ZEB2: variants seen among roughly 807,000 people sequenced by gnomAD.
ZEB2 encodes zinc finger E-box binding homeobox 2, also known as zinc finger E-box-binding homeobox 2.
ZEB2 carries 6 observed loss-of-function variants against 99.9 expected under a neutral mutation model. The ratio of observed to expected loss-of-function variants is 0.06; its 90% CI spans 0.03 to 0.12. The LOEUF (loss-of-function observed/expected upper bound fraction) is 0.12. ZEB2 is among the 10% of genes least tolerant of loss of function. The pLI is 1.00. For missense variants in ZEB2, 969 were observed against 1,502.8 expected, an observed-to-expected ratio of 0.64 and a Z score of 5.87; for synonymous variants, 517 against 542.5, an observed-to-expected ratio of 0.95 and a Z score of 0.65.
At chr2:144,493,468 G>A (rs1046080041) in intron 2 of ZEB2, among the ~76,000 whole-genome samples, 6 of 152,210 alleles carry the variant, frequency 3.9e-5, no homozygotes, top group African/African-American at 1.4e-4. Flanking sequence ...GAGAGTAAAT[G>A]GCAGAATCAG....
At chr2:144,474,073 T>C (rs1704396963) in intron 2 of ZEB2, among the ~76,000 whole-genome samples, 2 of 152,240 alleles carry the variant, frequency 1.3e-5, no homozygotes, top group African/African-American at 4.8e-5. Context: ...TAATTGGCCT[T>C]GTCCGGGCAG....
At chr2:144,463,383 A>G (rs1434481817) in intron 2 of ZEB2, 3 of 152,108 alleles carry the variant, frequency 2.0e-5, no homozygotes, top group Non-Finnish European at 4.4e-5. Context: ...AATCATAAGA[A>G]AAAAAAAGAA....
chr2:144,407,746 A>G (rs567861053), intron 4 of ZEB2, among the ~76,000 whole-genome samples: 3 of 152,304 alleles, frequency 2.0e-5, no homozygotes, highest in South Asian at 2.1e-4. Flanking sequence ...AGGGTTGTCA[A>G]TGGTTTATGT....
At chr2:144,448,431 G>C (rs553374703) in intron 2 of ZEB2, among the ~76,000 whole-genome samples, 13 of 152,292 alleles carry the variant, frequency 8.5e-5, no homozygotes, top group African/African-American at 2.6e-4. Flanking sequence ...AGTTCACGCA[G>C]CTAAGTGGTG....
chr2:144,472,615 AATGTC>A (rs1285660740), intron 2 of ZEB2, among the ~76,000 whole-genome samples: 1 of 152,160 alleles, frequency 6.6e-6, no homozygotes, highest in African/African-American at 2.4e-5. Context: ...GTAACTGCCC[AATGTC>A]ATAGGTAGCA....
At chr2:144,512,498 G>T (rs1265539745) in intron 2 of ZEB2, 1 of 1,287,192 alleles carries the variant, frequency 7.8e-7, no homozygotes, top group South Asian at 1.2e-5. Context: ...AATTAAGAAG[G>T]AAGGGAAACA....
intron 4 of ZEB2, among the ~76,000 whole-genome samples, chr2:144,410,593 G>C (rs2149882235): frequency 6.6e-6 from 1 of 152,208 alleles, no homozygotes; most frequent in South Asian, 2.1e-4. Flanking sequence ...GCTTTGCTTA[G>C]TGTTTACAGG....
chr2:144,497,037 A>G (rs746415890), intron 2 of ZEB2, among the ~76,000 whole-genome samples: 10 of 152,186 alleles, frequency 6.6e-5, no homozygotes, highest in Non-Finnish European at 8.8e-5. Context: ...TGTTTCAGAC[A>G]TCTCAGTTGG....
chr2:144,391,594 T>A (rs1199282043), intron 9 of ZEB2, among the ~76,000 whole-genome samples: 1 of 152,210 alleles, frequency 6.6e-6, no homozygotes, highest in African/African-American at 2.4e-5. Context: ...GATAGCATGC[T>A]TTTCCATTTG....
intron 4 of ZEB2, among the ~76,000 whole-genome samples, chr2:144,408,515 T>C (rs952086737): frequency 2.0e-5 from 3 of 152,254 alleles, no homozygotes; most frequent in East Asian, 1.9e-4. Context: ...TATTTCTTCA[T>C]GCTGTATAGA....
intron 2 of ZEB2, chr2:144,512,807 C>T (rs981370160): frequency 1.2e-5 from 15 of 1,286,820 alleles, no homozygotes; most frequent in Admixed American, 1.1e-4. Flanking sequence ...GTGTGTGCAG[C>T]GTGACAAAAC....
chr2:144,403,757 A>G (rs1399068821), intron 6 of ZEB2, among the ~76,000 whole-genome samples, 159 bp downstream of exon 6: 1 of 152,206 alleles, frequency 6.6e-6, no homozygotes, highest in Admixed American at 6.5e-5. Flanking sequence ...ATTAGAAGAG[A>G]CCATCAAAAA....
chr2:144,484,185 T>TGTGTGTGTGTG (rs1704560817), intron 2 of ZEB2, among the ~76,000 whole-genome samples: 2 of 142,416 alleles, frequency 1.4e-5, no homozygotes, highest in Non-Finnish European at 3.1e-5. Flanking sequence ...AAATCTGGAT[T>TGTGTGTGTGTG]TGTGTGTGTG....
rs1055786398 is a variant in ZEB2, at chr2:144,393,601, G to A, written c.3067+2811C>T. 3.3e-5 allele frequency among the ~76,000 whole-genome samples: 5 copies of A among 152,280 alleles called. No individual in the cohort carries two copies. The South Asian group carries it at 1.0e-3, about 32-fold the overall frequency. ...TAGTGGGATAGGAACTATCCCACAG[G>A]TTCAATTGGGATAGGAACATGGACT... On this transcript the variant is annotated intron_variant, in intron 9 of 9. Coordinates refer to ENST00000627532, the MANE Select transcript of ZEB2 (RefSeq NM_014795.4).
At chr2:144,410,950 T>G (rs538838380) in intron 4 of ZEB2, among the ~76,000 whole-genome samples, 1 of 150,686 alleles carries the variant, frequency 6.6e-6, no homozygotes, top group Non-Finnish European at 1.5e-5. Flanking sequence ...GTGCCAGTGT[T>G]CTTGGAAATG....
In ZEB2 at chr2:144,388,564, T is replaced by C. The variant is rs1703112914; in HGVS notation, c.*887A>G. On this transcript the variant is annotated 3_prime_UTR_variant, in exon 10 of 10. Transcript: ENST00000627532. This position sits in a 1 kb window ranked among gnomAD's most constrained non-coding sequence, Gnocchi z 5.4. ...TTTGGTGTAATACTGACAAAATTAA[T>C]GAACAAAAAAGTACAGAAAATAATT... is the stretch of plus-strand genomic sequence containing the variant. 6.5e-6 allele frequency: 1 copy of C among 154,372 alleles called. No individual in the cohort carries two copies. The allele number at this position is 154,372 out of a possible 1,614,324, so 9.6% of individuals were successfully genotyped here. A position where few individuals can be genotyped will look rare whatever the true frequency, so the allele number is the denominator to read the frequency against.
chr2:144,484,628 C>T (rs1434692078), intron 2 of ZEB2, among the ~76,000 whole-genome samples: 2 of 152,090 alleles, frequency 1.3e-5, no homozygotes, highest in African/African-American at 2.4e-5. Context: ...AAGGCAGACA[C>T]AGGCAATGGG....
intron 2 of ZEB2, among the ~76,000 whole-genome samples, chr2:144,465,353 G>A (rs1394162703): frequency 2.6e-5 from 4 of 152,086 alleles, no homozygotes; most frequent in Non-Finnish European, 5.9e-5. Flanking sequence ...AATTTTCATC[G>A]TAGTTTTTGT....
At chr2:144,492,628 C>T (rs1328855740) in intron 2 of ZEB2, among the ~76,000 whole-genome samples, 1 of 152,188 alleles carries the variant, frequency 6.6e-6, no homozygotes, top group Non-Finnish European at 1.5e-5. Flanking sequence ...GCCTCTCTGC[C>T]TCCCTGACTC....
Sources: gnomAD v4.1 joint callset for allele counts (sites outside exome capture counted in the v4.1 genomes callset) on GRCh38, gnomAD v4.1.1 for gene constraint, Gnocchi (gnomAD v3.1) non-coding constraint, MANE v1.5 for transcripts, NCBI Gene and HGNC (gene_info 2026-07-23, HGNC 2026-07-21) for gene names.